Variants in PDE4D observed in about 807,000 individuals in gnomAD.
The protein encoded by PDE4D is phosphodiesterase 4D.
In PDE4D, 24 loss-of-function variants were observed where a neutral mutation model predicts 87.4. That is an observed-to-expected ratio of 0.27 (90% CI 0.20 to 0.39). PDE4D has a LOEUF of 0.39. PDE4D is among the 10% of genes least tolerant of loss of function. PDE4D has a pLI of 1.00. For missense variants in PDE4D, 714 were observed against 1,041.0 expected (o/e 0.69, Z 4.32); for synonymous variants, 384 against 383.2 (o/e 1.00, Z -0.02).
chr5:59,816,308 A>G (rs1288498227), intron 1 of PDE4D, among the ~76,000 whole-genome samples: 7 of 152,196 alleles, frequency 4.6e-5, no homozygotes, highest in Non-Finnish European at 7.3e-5. Flanking sequence ...GTCACTCACT[A>G]TATATAAACC....
rs961830934 is a variant in PDE4D at position 59,768,115 on chromosome 5, A to C, written c.455+125053T>G. The C allele has an allele frequency of 5.4e-6, 6 of 1,114,524 alleles. No homozygotes were observed. In the Admixed American group the frequency reaches 1.2e-4, roughly 23 times the overall value. The allele number at this position is 1,114,524 out of a possible 1,614,324, so 69.0% of individuals were successfully genotyped here. ...TTTGTGGGATTTATGGTTAAGGGAG[A>C]TCACTTGGCCATAAATCCCCGGTGA... On this transcript the variant is annotated intron_variant, in intron 1 of 14. Transcript: ENST00000340635.
At chr5:60,314,226 G>A (rs188960791) in intron 1 of PDE4D, among the ~76,000 whole-genome samples, 116 of 150,552 alleles carry the variant, frequency 7.7e-4, no homozygotes, top group Non-Finnish European at 1.4e-3. Flanking sequence ...GAATGCAGTT[G>A]CACGATCTCA....
intron 1 of PDE4D, among the ~76,000 whole-genome samples, chr5:59,640,785 C>T (rs1195692334): frequency 6.6e-6 from 1 of 152,176 alleles, no homozygotes; most frequent in Non-Finnish European, 1.5e-5. Flanking sequence ...TCACCTCTTG[C>T]ACAGAAAACA....
chr5:60,461,246 A>G (rs1444670214), intron 1 of PDE4D, among the ~76,000 whole-genome samples: 2 of 152,162 alleles, frequency 1.3e-5, no homozygotes, highest in African/African-American at 4.8e-5. Context: ...CAGGAAATAC[A>G]CAGTTGGGGG....
intron 1 of PDE4D, among the ~76,000 whole-genome samples, chr5:59,338,259 A>G (rs1778075381): frequency 1.3e-5 from 2 of 152,198 alleles, no homozygotes; most frequent in Admixed American, 6.5e-5. Flanking sequence ...TATAGAGGCA[A>G]AAGTGGGATC....
chr5:59,388,634 C>CACACACACACACACACACAT (rs1787591096), intron 1 of PDE4D, among the ~76,000 whole-genome samples: 1 of 151,634 alleles, frequency 6.6e-6, no homozygotes, highest in Non-Finnish European at 1.5e-5. Context: ...GGTACACACA[C>CACACACACACACACACACAT]ACACACACAC....
intron 1 of PDE4D, among the ~76,000 whole-genome samples, chr5:59,335,285 G>A (rs767284642): frequency 6.6e-6 from 1 of 152,100 alleles, no homozygotes; most frequent in Non-Finnish European, 1.5e-5. Flanking sequence ...CCCAGAGCAT[G>A]GGAACCAACT....
intron 3 of PDE4D, among the ~76,000 whole-genome samples, chr5:59,185,769 C>A (rs1361363644): frequency 6.6e-6 from 1 of 152,128 alleles, no homozygotes; most frequent in African/African-American, 2.4e-5. Context: ...ACATTGTTTT[C>A]TTTTGTTAAG....
chr5:59,448,091 G>A (rs981717517), intron 1 of PDE4D, among the ~76,000 whole-genome samples: 2 of 152,232 alleles, frequency 1.3e-5, no homozygotes, highest in African/African-American at 2.4e-5. Flanking sequence ...ATCGTAGTCA[G>A]GGGCAGATTT....
intron 1 of PDE4D, chr5:59,314,652 T>C (rs1328053575): frequency 6.6e-6 from 1 of 152,100 alleles, no homozygotes; most frequent in Non-Finnish European, 1.5e-5. Context: ...TAGAGGAACA[T>C]ATAAAGAGAA....
intron 1 of PDE4D, among the ~76,000 whole-genome samples, chr5:60,331,502 T>C (rs897441585): frequency 1.1e-4 from 17 of 152,194 alleles, no homozygotes; most frequent in African/African-American, 4.1e-4. Flanking sequence ...TTCATTCACA[T>C]TCCCTGCCCC....
chr5:59,171,923 T>C (rs1434396446), intron 5 of PDE4D, among the ~76,000 whole-genome samples: 1 of 114,728 alleles, frequency 8.7e-6, no homozygotes, highest in Admixed American at 1.1e-4. Context: ...ATACATTATA[T>C]AATAAATATT....
intron 1 of PDE4D, among the ~76,000 whole-genome samples, chr5:59,674,761 A>G (rs1747786690): frequency 1.3e-5 from 2 of 152,222 alleles, no homozygotes; most frequent in Admixed American, 1.3e-4. Flanking sequence ...TTCAATAGGT[A>G]GTATTAATAT....
chr5:59,787,137 C>T (rs1297023840), intron 1 of PDE4D, among the ~76,000 whole-genome samples: 2 of 152,162 alleles, frequency 1.3e-5, no homozygotes, highest in Non-Finnish European at 2.9e-5. Context: ...CTTTCTAAAA[C>T]GTGTCATTCC....
chr5:59,321,356 T>G (rs1331177007), intron 1 of PDE4D, among the ~76,000 whole-genome samples: 1 of 152,090 alleles, frequency 6.6e-6, no homozygotes, highest in Non-Finnish European at 1.5e-5. Flanking sequence ...GACAAGATTT[T>G]TATGCTTAGG....
intron 1 of PDE4D, among the ~76,000 whole-genome samples, chr5:59,586,053 T>A (rs1825063085): frequency 6.6e-6 from 1 of 152,218 alleles, no homozygotes; most frequent in African/African-American, 2.4e-5. Context: ...TATTAAATTG[T>A]TGCCATTCTC....
rs374548174 is a variant in PDE4D at position 60,040,032 on chromosome 5, A to C, written c.43-51315T>G. Among the ~76,000 whole-genome samples, 22 of 152,364 alleles carry C rather than the reference A, an allele frequency of 1.4e-4. 1 individual carries two copies. Among genetic ancestry groups the C allele is most frequent in the African/African-American group, 5.0e-4 (21 of 41,588 alleles). On this transcript the variant is annotated intron_variant, in intron 2 of 16. Coordinates refer to the PDE4D transcript ENST00000502484. ...GCCCCATTCACTCTATCAAAACTGG[A>C]AACACTTCCTTTTCAATTTTCCCAA... is the stretch of plus-strand genomic sequence containing the variant.
chr5:59,495,456 A>G (rs987882445), intron 1 of PDE4D, among the ~76,000 whole-genome samples: 11 of 152,154 alleles, frequency 7.2e-5, no homozygotes, highest in Non-Finnish European at 1.5e-4. Flanking sequence ...TTCCATTTTC[A>G]TCCTTCATAA....
chr5:60,429,820 A>T (rs1375221072), intron 1 of PDE4D: 3 of 351,024 alleles, frequency 8.5e-6, no homozygotes, highest in Non-Finnish European at 1.7e-5. Flanking sequence ...AGCCTGCTCA[A>T]TGGTGGTGGA....
Sources: gnomAD v4.1 joint callset for allele counts (sites outside exome capture counted in the v4.1 genomes callset) on GRCh38, gnomAD v4.1.1 for gene constraint, MANE v1.5 for transcripts, NCBI Gene and HGNC (gene_info 2026-07-23, HGNC 2026-07-21) for gene names.